The following DAGLB variants were observed in gnomAD, a reference collection of about 807,000 sequenced individuals.
DAGLB encodes the protein diacylglycerol lipase beta, also known as diacylglycerol lipase-beta.
DAGLB carries 66 observed loss-of-function variants against 72.1 expected under a neutral mutation model. The observed-to-expected ratio is 0.92, with a 90% CI of 0.75 to 1.12. The LOEUF is 1.12. Among genes scored for constraint, DAGLB ranks in the 50% most tolerant of loss-of-function variants. DAGLB has a pLI of 0.00. For synonymous variants in DAGLB, 414 were observed against 359.5 expected, an observed-to-expected ratio of 1.15 and a Z score of -1.71; for missense variants, 1,065 against 884.9, an observed-to-expected ratio of 1.20 and a Z score of -2.58.
At position 6,436,361 on chromosome 7, in the gene DAGLB, C is replaced by G; in HGVS notation, c.419+1G>C. ...CTCAAAGAGAAGAAGGGAGATGTCACCTGACCACGACGGTTGCGATGATGC... is the reference window on the plus strand; with the variant it reads ...CTCAAAGAGAAGAAGGGAGATGTCAGCTGACCACGACGGTTGCGATGATGC... On this transcript the variant is annotated splice_donor_variant, in intron 3 of 14. Transcript: ENST00000297056. LOFTEE classifies it high-confidence loss of function. The G allele has an allele frequency of 6.2e-7, 1 of 1,603,796 alleles. No homozygotes were observed. The highest frequency in any genetic ancestry group is 8.5e-7 in the Non-Finnish European group (1 of 1,176,748).
chr7:6,422,223 G>A (rs1349326496), intron 8 of DAGLB: 8 of 335,090 alleles, frequency 2.4e-5, no homozygotes, highest in African/African-American at 6.5e-5. Flanking sequence ...AGGCAGTGCC[G>A]AGTCAGAGGA....
intron 5 of DAGLB, 94 bp downstream of exon 5, chr7:6,432,743 G>C (rs1003875542): frequency 1.4e-6 from 2 of 1,433,744 alleles, no homozygotes; most frequent in Non-Finnish European, 1.8e-6. Context: ...TGAAGGAAGG[G>C]AGGAAGAAAT....
At position 6,430,535 on chromosome 7, in the gene DAGLB, G is replaced by A; in HGVS notation, c.874C>T (p.Pro292Ser). 1 of 1,600,960 alleles carries A rather than the reference G, an allele frequency of 6.2e-7. No homozygotes were observed. Residue 292 changes from proline to serine, a missense_variant, in exon 6 of 15, where the codon CCC becomes TCC. Transcript: ENST00000297056. ...AGGGGGTTTCTGTAGATGTAGAGGG[G>A]CCACCCATAGGCCGCTGCTGCAAAC... ...MQFAAAAYGW[P>S]LYIYRNPLTG...
At chr7:6,440,944 C>T (rs375100315) in intron 2 of DAGLB, among the ~76,000 whole-genome samples, 7 of 151,980 alleles carry the variant, frequency 4.6e-5, no homozygotes, top group African/African-American at 1.4e-4. Context: ...TTCCTACTGA[C>T]CATTGGTTTT....
intron 9 of DAGLB, among the ~76,000 whole-genome samples, chr7:6,418,670 G>GT (rs56699721): frequency 8.2e-4 from 118 of 144,402 alleles, no homozygotes; most frequent in Non-Finnish European, 1.1e-3. Flanking sequence ...TTCTTTTTTT[G>GT]TTTTTTTTTT....
chr7:6,440,654 T>A lies in DAGLB; in HGVS notation c.248-4121A>T, dbSNP rs537528452. On this transcript the variant is annotated intron_variant, in intron 2 of 14. Transcript: ENST00000297056. The stretch of plus-strand genomic sequence containing the variant: ...GCTCATGCCTGTAATCCCAACACTT[T>A]GGGAGGCCATGGCGGGAAGTTCGAG... Among the ~76,000 whole-genome samples, 3 of 152,250 alleles carry A rather than the reference T, an allele frequency of 2.0e-5. No individual in the cohort carries two copies. The East Asian group carries it at 5.8e-4, about 29-fold the overall frequency.
chr7:6,411,320 T>A lies in DAGLB; in HGVS notation c.1570-940A>T, dbSNP rs556550708. 1.2e-4 allele frequency among the ~76,000 whole-genome samples: 18 copies of A among 152,028 alleles called. 1 individual carries two copies. The South Asian group carries it at 3.5e-3, about 30-fold the overall frequency. ...CACCGGGCCCGCCCTAGATACTAAT[T>A]TCTAAAAAAAATTTTAGGCTGGGCA... On this transcript the variant is annotated intron_variant, in intron 13 of 14. Coordinates refer to ENST00000297056, the MANE Select transcript of DAGLB (RefSeq NM_139179.4).
At chr7:6,416,465 C>A in intron 11 of DAGLB, 162 bp downstream of exon 11, 1 of 1,037,144 alleles carries the variant, frequency 9.6e-7, no homozygotes, top group Non-Finnish European at 1.3e-6. Flanking sequence ...ACCGCCTGAA[C>A]CTGGGAGGTG....
chr7:6,410,404 G>C (rs753713925), intron 13 of DAGLB, 24 bp from the exon 14 acceptor site: 1 of 1,580,322 alleles, frequency 6.3e-7, no homozygotes, highest in Admixed American at 1.7e-5. Flanking sequence ...CCAATCAGTA[G>C]AATGCTGTCA....
chr7:6,425,749 A>G (rs111981415), intron 7 of DAGLB, among the ~76,000 whole-genome samples: 27 of 152,322 alleles, frequency 1.8e-4, no homozygotes, highest in African/African-American at 5.5e-4. Context: ...TAAGAAACAC[A>G]GCGCGCTATC....
At chr7:6,424,527 C>G (rs1784240565) in intron 8 of DAGLB, among the ~76,000 whole-genome samples, 1 of 152,176 alleles carries the variant, frequency 6.6e-6, no homozygotes, top group Admixed American at 6.5e-5. Context: ...GGGGGGCCAA[C>G]CTGCTGGCCG....
chr7:6,429,746 GA>G (rs527547671), intron 6 of DAGLB, among the ~76,000 whole-genome samples: 2 of 151,778 alleles, frequency 1.3e-5, no homozygotes, highest in Non-Finnish European at 2.9e-5. Flanking sequence ...ACTAAAAATA[GA>G]AAATTAGCCG....
At chr7:6,441,338 G>A (rs1019285743) in intron 2 of DAGLB, among the ~76,000 whole-genome samples, 29 of 148,888 alleles carry the variant, frequency 1.9e-4, no homozygotes, top group Non-Finnish European at 3.9e-4. Context: ...TGATTCGCCC[G>A]CCTCGGCCTC....
At chr7:6,415,917 A>G (rs1042384614) in intron 11 of DAGLB, among the ~76,000 whole-genome samples, 2 of 151,466 alleles carry the variant, frequency 1.3e-5, no homozygotes, top group African/African-American at 4.9e-5. Flanking sequence ...ATGTGTCCCC[A>G]CCCAGGGCAT....
rs886249851 is a variant in DAGLB, at chr7:6,436,492, G to C, written c.289C>G (p.Leu97Val). Residue 97 changes from leucine (L) to valine (V), a missense_variant, in exon 3 of 15, where the codon CTG becomes GTG. Coordinates refer to ENST00000297056, the MANE Select transcript of DAGLB (RefSeq NM_139179.4). The stretch of plus-strand genomic sequence containing the variant: ...AACAGCGCCAGGCGGATGTAAAGCA[G>C]CTTAGACATAGACTTCCGCGGTCCA... ...NPGPRKSMSKLLYIRLALFFP... is the reference protein window; with the variant it reads ...NPGPRKSMSKVLYIRLALFFP... The C allele has an allele frequency of 6.2e-6, 10 of 1,614,180 alleles. No homozygotes were observed. The highest frequency in any genetic ancestry group is 8.5e-6 in the Non-Finnish European group (10 of 1,180,040).
chr7:6,421,812 A>T lies in DAGLB; in HGVS notation c.1141-8T>A. 6.2e-7 allele frequency: 1 copy of T among 1,612,292 alleles called. No homozygotes were observed. The highest frequency in any genetic ancestry group is 2.2e-5 in the East Asian group (1 of 44,860). On this transcript the variant is annotated splice_polypyrimidine_tract_variant and splice_region_variant and intron_variant, in intron 8 of 14. Transcript: ENST00000297056. ...CAGGTCCGTAAGGACATCCTGTAAA[A>T]AGGGCGTTGCAGAAGCGGCCGTCAG... is the stretch of plus-strand genomic sequence containing the variant.
At chr7:6,427,600 A>G (rs533101742) in intron 6 of DAGLB, among the ~76,000 whole-genome samples, 2 of 152,278 alleles carry the variant, frequency 1.3e-5, no homozygotes, top group African/African-American at 4.8e-5. Context: ...AACAAAAAAA[A>G]GATATTAGTA....
At chr7:6,423,312 G>C (rs1360852543) in intron 8 of DAGLB, among the ~76,000 whole-genome samples, 1 of 152,154 alleles carries the variant, frequency 6.6e-6, no homozygotes, top group African/African-American at 2.4e-5. Flanking sequence ...GAGATGGGAA[G>C]CTAGAGGACT....
intron 5 of DAGLB, among the ~76,000 whole-genome samples, chr7:6,431,779 T>A (rs996029722): frequency 4.6e-5 from 7 of 151,528 alleles, no homozygotes; most frequent in Admixed American, 2.6e-4. Flanking sequence ...AAAAATAAAA[T>A]AAAAAATAAA....
Sources: gnomAD v4.1 joint callset for allele counts (sites outside exome capture counted in the v4.1 genomes callset) on GRCh38, gnomAD v4.1.1 for gene constraint, MANE v1.5 for transcripts, NCBI Gene and HGNC (gene_info 2026-07-23, HGNC 2026-07-21) for gene names.